The following TENM2 variants were observed in gnomAD, a reference collection of about 807,000 sequenced individuals.
TENM2 encodes teneurin transmembrane protein 2.
A neutral mutation model predicts 245.2 loss-of-function variants in TENM2; 52 were observed. The ratio of observed to expected loss-of-function variants is 0.21; its 90% CI spans 0.17 to 0.27. The LOEUF is 0.27. Ranked by LOEUF, TENM2 falls within the 10% of genes least tolerant of loss-of-function variation. The pLI is 1.00. For missense variants in TENM2, 3,046 were observed against 3,666.8 expected, an observed-to-expected ratio of 0.83 and a Z score of 4.37; for synonymous variants, 1,363 against 1,438.9, an observed-to-expected ratio of 0.95 and a Z score of 1.19.
At chr5:167,704,130 C>A (rs938240317) in intron 2 of TENM2, among the ~76,000 whole-genome samples, 1 of 152,118 alleles carries the variant, frequency 6.6e-6, no homozygotes, top group Non-Finnish European at 1.5e-5. Flanking sequence ...GATTACCTTG[C>A]TTAAAGCTTT....
the TENM2 span, among the ~76,000 whole-genome samples, chr5:167,262,358 C>CA: frequency 0.13 from 15,431 of 119,030 alleles, 968 homozygotes; most frequent in East Asian, 0.21. Context: ...AACCCCATCT[C>CA]AAAAAAAAAA....
At chr5:167,975,734 T>C (rs1173014065) in intron 4 of TENM2, among the ~76,000 whole-genome samples, 1 of 152,076 alleles carries the variant, frequency 6.6e-6, no homozygotes, top group Non-Finnish European at 1.5e-5. Context: ...AATATGCAGA[T>C]AGGGTTTCTT....
At chr5:168,229,032 A>T (rs1764565235) in intron 25 of TENM2, among the ~76,000 whole-genome samples, 1 of 148,118 alleles carries the variant, frequency 6.8e-6, no homozygotes, top group Admixed American at 6.8e-5. Context: ...AATATACATT[A>T]CATTATATAT....
At chr5:167,249,830 C>T in the TENM2 span, among the ~76,000 whole-genome samples, 1 of 31,596 alleles carries the variant, frequency 3.2e-5, no homozygotes, top group South Asian at 9.4e-4. Context: ...ATGTGTTTCT[C>T]TATGATAGAC....
intron 2 of TENM2, among the ~76,000 whole-genome samples, chr5:167,701,663 G>C (rs1192067392): frequency 1.3e-5 from 2 of 152,060 alleles, no homozygotes; most frequent in African/African-American, 4.8e-5. Flanking sequence ...TTGTTCTAAG[G>C]GTTCATTAAA....
intron 1 of TENM2, among the ~76,000 whole-genome samples, chr5:167,340,886 A>AT (rs1012259660): frequency 1.3e-4 from 20 of 151,614 alleles, no homozygotes; most frequent in Admixed American, 5.3e-4. Flanking sequence ...GGGGTTTATT[A>AT]TTTTTTTTTG....
At chr5:168,175,908 A>AGCCC (rs1292514059) in intron 13 of TENM2, among the ~76,000 whole-genome samples, 3 of 152,210 alleles carry the variant, frequency 2.0e-5, no homozygotes, top group African/African-American at 7.2e-5. Context: ...TCAAAGTCTT[A>AGCCC]GCCCTTTGAC....
chr5:167,517,947 G>A (rs1319030237), intron 2 of TENM2, among the ~76,000 whole-genome samples: 1 of 152,114 alleles, frequency 6.6e-6, no homozygotes, highest in Non-Finnish European at 1.5e-5. Context: ...CAGCACTTGG[G>A]AGGCGGAGGC....
chr5:167,404,879 T>C (rs1205755957), intron 2 of TENM2, among the ~76,000 whole-genome samples: 2 of 152,136 alleles, frequency 1.3e-5, no homozygotes, highest in Non-Finnish European at 2.9e-5. Context: ...GCACAATCAA[T>C]TTTAGAGTAT....
the TENM2 span, among the ~76,000 whole-genome samples, chr5:167,145,237 G>C: frequency 6.6e-6 from 1 of 152,154 alleles, no homozygotes; most frequent in South Asian, 2.1e-4. Context: ...GACATCTTTG[G>C]GAGGCTATTA....
intron 2 of TENM2, among the ~76,000 whole-genome samples, chr5:167,522,892 C>T (rs1003477843): frequency 1.3e-5 from 2 of 152,034 alleles, no homozygotes; most frequent in East Asian, 1.9e-4. Flanking sequence ...CTAGGGCTGC[C>T]GTAATGAATT....
chr5:167,344,337 TTGC>T (rs1758334819), intron 1 of TENM2, among the ~76,000 whole-genome samples: 1 of 146,882 alleles, frequency 6.8e-6, no homozygotes, highest in Non-Finnish European at 1.5e-5. Context: ...TATAGATATA[TTGC>T]AGAGATATGA....
At chr5:167,608,987 A>G (rs975166021) in intron 2 of TENM2, among the ~76,000 whole-genome samples, 4 of 102,984 alleles carry the variant, frequency 3.9e-5, no homozygotes, top group African/African-American at 1.0e-4. Flanking sequence ...TTTTAATTAA[A>G]TAATGTAAAA....
In TENM2 at chr5:167,977,789, G is replaced by A. The variant is rs73801437; in HGVS notation, c.948-15155G>A. ...ATTTTCTACATTTAGAAAACATTTA[G>A]AGGTTTCTCAAAAAGTTAACCATTT... is the stretch of plus-strand genomic sequence containing the variant. On this transcript the variant is annotated intron_variant, in intron 4 of 28. Transcript: ENST00000518659. 2.4e-3 allele frequency among the ~76,000 whole-genome samples: 366 copies of A among 152,284 alleles called. 1 individual carries two copies. Among genetic ancestry groups the A allele is most frequent in the African/African-American group, 8.1e-3 (338 of 41,550 alleles).
At chr5:167,072,412 G>A in the TENM2 span, among the ~76,000 whole-genome samples, 14 of 152,026 alleles carry the variant, frequency 9.2e-5, no homozygotes, top group African/African-American at 3.1e-4. Context: ...TTTGGCCTTG[G>A]TTGGTGCGGA....
At chr5:167,090,815 T>C in the TENM2 span, among the ~76,000 whole-genome samples, 1 of 152,204 alleles carries the variant, frequency 6.6e-6, no homozygotes, top group African/African-American at 2.4e-5. Context: ...GTAAAGCCAT[T>C]TGAGTGAAAA....
intron 5 of TENM2, among the ~76,000 whole-genome samples, chr5:167,999,386 A>G (rs1784270606): frequency 6.6e-6 from 1 of 152,254 alleles, no homozygotes; most frequent in Non-Finnish European, 1.5e-5. Flanking sequence ...CAGACTTCTT[A>G]TCTAATAGAT....
intron 15 of TENM2, 91 bp from the exon 18 acceptor site, chr5:168,198,762 C>A: frequency 6.7e-7 from 1 of 1,483,194 alleles, no homozygotes; most frequent in Non-Finnish European, 9.3e-7. Context: ...GTGCTCTGCC[C>A]ATCGCATGGC....
intron 13 of TENM2, among the ~76,000 whole-genome samples, chr5:168,163,201 T>A (rs1757906697): frequency 6.6e-6 from 1 of 151,962 alleles, no homozygotes; most frequent in Non-Finnish European, 1.5e-5. Context: ...GCCTGAAGAG[T>A]GATTAAGTAA....
Sources: gnomAD v4.1 joint callset for allele counts (sites outside exome capture counted in the v4.1 genomes callset) on GRCh38, gnomAD v4.1.1 for gene constraint, MANE v1.5 for transcripts, NCBI Gene and HGNC (gene_info 2026-07-23, HGNC 2026-07-21) for gene names.